The following CDYL2 variants were observed in gnomAD, a reference collection of about 807,000 sequenced individuals.
CDYL2 encodes the protein chromodomain Y like 2, also known as chromodomain Y-like protein 2.
In CDYL2, 23 loss-of-function variants were observed where a neutral mutation model predicts 49.4. The ratio of observed to expected loss-of-function variants is 0.47; its 90% CI spans 0.34 to 0.66. The LOEUF (loss-of-function observed/expected upper bound fraction) is 0.66, where lower values mean the gene tolerates loss of function less well. Ranked by LOEUF, CDYL2 falls within the 30% of genes least tolerant of loss-of-function variation. The pLI, the probability that CDYL2 is intolerant of heterozygous loss-of-function variation, is 0.01. For synonymous variants in CDYL2, 360 were observed against 268.8 expected, an observed-to-expected ratio of 1.34 and a Z score of -3.32; for missense variants, 678 against 656.4, an observed-to-expected ratio of 1.03 and a Z score of -0.36.
chr16:80,641,286 G>T (rs112856188), intron 2 of CDYL2, among the ~76,000 whole-genome samples: 7,402 of 152,152 alleles, frequency 0.049, 574 homozygotes, highest in African/African-American at 0.17. Flanking sequence ...AACCTTACAG[G>T]CCAGGAGAGA....
chr16:80,642,393 G>T (rs149721683), intron 2 of CDYL2, among the ~76,000 whole-genome samples: 183 of 152,288 alleles, frequency 1.2e-3, no homozygotes, highest in African/African-American at 4.2e-3. Flanking sequence ...AGTGAGCCAA[G>T]ATCTCGCCAC....
chr16:80,680,888 C>A (rs1028057757), intron 2 of CDYL2, among the ~76,000 whole-genome samples: 3 of 152,048 alleles, frequency 2.0e-5, no homozygotes, highest in African/African-American at 7.2e-5. Flanking sequence ...GGGATACAGC[C>A]CGTTTTAACA....
At chr16:80,748,122 A>AAAT (rs71143647) in intron 1 of CDYL2, among the ~76,000 whole-genome samples, 16,944 of 135,810 alleles carry the variant, frequency 0.12, 1,118 homozygotes, top group Admixed American at 0.17. Context: ...TGGGAAGATT[A>AAAT]AATAATAATA....
intron 5 of CDYL2, among the ~76,000 whole-genome samples, chr16:80,611,605 G>C (rs1402839168): frequency 6.6e-6 from 1 of 152,186 alleles, no homozygotes; most frequent in Non-Finnish European, 1.5e-5. Flanking sequence ...TAACAGGCTG[G>C]GTTCGGAGCA....
chr16:80,626,090 G>C (rs1907285272), intron 3 of CDYL2, among the ~76,000 whole-genome samples: 2 of 151,470 alleles, frequency 1.3e-5, no homozygotes, highest in South Asian at 4.2e-4. Context: ...AGGAGTTCGA[G>C]GCCAGCCTGG....
intron 1 of CDYL2, among the ~76,000 whole-genome samples, chr16:80,685,658 G>C (rs1910160889): frequency 6.6e-6 from 1 of 151,956 alleles, no homozygotes; most frequent in Non-Finnish European, 1.5e-5. Flanking sequence ...CTAAATGCTG[G>C]GCATAGACTC....
intron 1 of CDYL2, among the ~76,000 whole-genome samples, chr16:80,759,441 G>A (rs1489216352): frequency 6.6e-6 from 1 of 152,022 alleles, no homozygotes; most frequent in Non-Finnish European, 1.5e-5. Context: ...ACTCAAATGT[G>A]TATTGTCAGG....
chr16:80,798,788 T>C (rs1907840399), intron 1 of CDYL2, among the ~76,000 whole-genome samples: 1 of 140,282 alleles, frequency 7.1e-6, no homozygotes, highest in Admixed American at 7.6e-5. Flanking sequence ...TATGAAATTG[T>C]TTATGCTGAA....
intron 1 of CDYL2, among the ~76,000 whole-genome samples, chr16:80,766,766 G>T (rs1341741344): frequency 1.3e-5 from 2 of 152,154 alleles, no homozygotes. Context: ...TCTACAAAAA[G>T]AAAGTGTAAA....
At chr16:80,725,224 T>G (rs536128819) in intron 1 of CDYL2, among the ~76,000 whole-genome samples, 2 of 150,128 alleles carry the variant, frequency 1.3e-5, no homozygotes, top group South Asian at 4.2e-4. Context: ...ACACACACTT[T>G]GCCTCACCAA....
At chr16:80,759,044 G>C (rs1906419298) in intron 1 of CDYL2, among the ~76,000 whole-genome samples, 1 of 139,262 alleles carries the variant, frequency 7.2e-6, no homozygotes, top group Non-Finnish European at 1.5e-5. Flanking sequence ...AGCATACTAA[G>C]ACATATGACC....
chr16:80,647,896 T>C (rs1908420774), intron 2 of CDYL2, among the ~76,000 whole-genome samples: 1 of 152,152 alleles, frequency 6.6e-6, no homozygotes, highest in African/African-American at 2.4e-5. Context: ...TACAAATACA[T>C]GGAAATTAAA....
intron 2 of CDYL2, among the ~76,000 whole-genome samples, chr16:80,672,796 C>T (rs1909583594): frequency 2.0e-5 from 3 of 152,192 alleles, no homozygotes; most frequent in African/African-American, 7.2e-5. Flanking sequence ...CTAAATGTAA[C>T]ATCCTTAGCC....
Position 80,652,771 on chromosome 16 carries a change from C to G in CDYL2, c.617-19535G>C, listed in dbSNP as rs112062473. Among the ~76,000 whole-genome samples the G allele has an allele frequency of 6.0e-3, 918 of 152,212 alleles. 8 individuals carry two copies. The highest frequency in any genetic ancestry group is 0.021 in the African/African-American group (876 of 41,504). On this transcript the variant is annotated intron_variant, in intron 2 of 6. Coordinates refer to ENST00000570137, the MANE Select transcript of CDYL2 (RefSeq NM_152342.4). ...ACTTACCCTCTGGGGTCCCTCCTCC[C>G]AAAAACTCACAACACCACTCTAATC...
At chr16:80,769,634 T>A (rs1906840879) in intron 1 of CDYL2, among the ~76,000 whole-genome samples, 1 of 152,064 alleles carries the variant, frequency 6.6e-6, no homozygotes, top group Admixed American at 6.6e-5. Context: ...TTCTCCCAGC[T>A]CCCTTCCTCC....
chr16:80,731,762 G>A lies in CDYL2; in HGVS notation c.25-46633C>T, dbSNP rs115823931. 4.2e-3 allele frequency among the ~76,000 whole-genome samples: 644 copies of A among 152,278 alleles called. 5 individuals are homozygous for A. Among genetic ancestry groups the A allele is most frequent in the African/African-American group, 0.015 (619 of 41,556 alleles). ...CATCAATCAGATGGGAAAGCAGGAT[G>A]AAGACATTTTCAGAAATGCGAAATC... On this transcript the variant is annotated intron_variant, in intron 1 of 6. Transcript: ENST00000570137.
chr16:80,691,108 A>G (rs1002886762), intron 1 of CDYL2, among the ~76,000 whole-genome samples: 1 of 151,992 alleles, frequency 6.6e-6, no homozygotes, highest in African/African-American at 2.4e-5. Context: ...GCCTCTGCCC[A>G]TCCATATACC....
intron 1 of CDYL2, among the ~76,000 whole-genome samples, chr16:80,722,478 C>T (rs141411676): frequency 2.4e-4 from 36 of 152,340 alleles, no homozygotes; most frequent in African/African-American, 8.4e-4. Context: ...CTGGATGAGA[C>T]ACCTTATCGA....
At chr16:80,737,478 G>A (rs1337968274) in intron 1 of CDYL2, among the ~76,000 whole-genome samples, 1 of 152,200 alleles carries the variant, frequency 6.6e-6, no homozygotes, top group East Asian at 1.9e-4. Flanking sequence ...TGCAGAGCGT[G>A]AGCTCTTCAG....
Sources: gnomAD v4.1 joint callset for allele counts (sites outside exome capture counted in the v4.1 genomes callset) on GRCh38, gnomAD v4.1.1 for gene constraint, MANE v1.5 for transcripts, NCBI Gene and HGNC (gene_info 2026-07-23, HGNC 2026-07-21) for gene names.